RIN3: variants seen among roughly 807,000 people sequenced by gnomAD.
The protein encoded by RIN3 is RAB5 interacting protein 3.
A neutral mutation model predicts 76.3 loss-of-function variants in RIN3; 54 were observed. The ratio of observed to expected loss-of-function variants is 0.71; its 90% CI spans 0.57 to 0.89. The LOEUF (loss-of-function observed/expected upper bound fraction) is 0.89, where lower values mean the gene tolerates loss of function less well. RIN3 is among the 40% of genes least tolerant of loss of function. The probability of loss-of-function intolerance (pLI) is 0.00; values close to 1 mark genes in which losing one functional copy is unlikely to be tolerated. For synonymous variants in RIN3, 576 were observed against 564.0 expected (o/e 1.02, Z -0.30); for missense variants, 1,256 against 1,322.1 (o/e 0.95, Z 0.78).
At chr14:92,522,483 T>C (rs949869020) in intron 1 of RIN3, among the ~76,000 whole-genome samples, 9 of 152,200 alleles carry the variant, frequency 5.9e-5, no homozygotes, top group Non-Finnish European at 1.0e-4. Flanking sequence ...TTTCACTGAG[T>C]GTTACCTCTG....
chr14:92,564,857 G>A (rs1897874948), intron 2 of RIN3, among the ~76,000 whole-genome samples: 1 of 152,224 alleles, frequency 6.6e-6, no homozygotes. Flanking sequence ...ACTCAGCAAG[G>A]CCCCAGACCA....
At position 92,640,554 on chromosome 14, in the gene RIN3, GTT is replaced by G. The variant is rs1886968871; in HGVS notation, c.441-683_441-682del. On this transcript the variant is annotated intron_variant, in intron 4 of 9. Coordinates refer to ENST00000216487, the MANE Select transcript of RIN3 (RefSeq NM_024832.5). Reference sequence around the variant, plus strand: ...TTTGCTGGGAGATGCCTGACTGTGTGTTCATCGGGGGCTGCCTGACTGTGCGT... The same window carrying G: ...TTTGCTGGGAGATGCCTGACTGTGTGCATCGGGGGCTGCCTGACTGTGCGT... Among the ~76,000 whole-genome samples the G allele has an allele frequency of 5.2e-3, 2 of 384 alleles. 1 individual carries two copies. Among genetic ancestry groups the G allele is most frequent in the African/African-American group, 0.062 (2 of 32 alleles). 0.3% of individuals were successfully genotyped at this position (384 alleles called of 152,430 possible). A position where few individuals can be genotyped will look rare whatever the true frequency, so the allele number is the denominator to read the frequency against.
In RIN3 at chr14:92,676,587, C is replaced by T. The variant is rs767312734; in HGVS notation, c.2448C>T (p.Pro816=). 1.1e-5 allele frequency: 18 copies of T among 1,613,566 alleles called. No individual in the cohort carries two copies. The East Asian group carries it at 2.2e-4, about 20-fold the overall frequency. Residue 816 remains proline, a synonymous_variant, in exon 8 of 10, where the codon CCC becomes CCT. Coordinates refer to ENST00000216487, the MANE Select transcript of RIN3 (RefSeq NM_024832.5). ...NVEYMMELMD[P]ALQLGEGSYY... is the part of the protein sequence containing the mutation. ...AGTACATGATGGAGCTCATGGACCC[C>T]GCCCTGCAGCTGGGGGAGGGTGAGT...
chr14:92,555,852 G>A lies in RIN3; in HGVS notation c.146G>A (p.Gly49Asp), dbSNP rs375780702. 90 of 1,614,048 alleles carry A rather than the reference G, an allele frequency of 5.6e-5. No individual in the cohort carries two copies. Among genetic ancestry groups the A allele is most frequent in the Non-Finnish European group, 6.5e-5 (77 of 1,180,040 alleles). Reference sequence around the variant, plus strand: ...AAAAACTGCCTTCCTCACCGCCGGGGCATCAGCATCCTGGAGAAGCTCATC... The same window carrying A: ...AAAAACTGCCTTCCTCACCGCCGGGACATCAGCATCCTGGAGAAGCTCATC... ...NPKNCLPHRRGISILEKLIKT... is the reference protein window; with the variant it reads ...NPKNCLPHRRDISILEKLIKT... Residue 49 changes from glycine (G) to aspartate (D), a missense_variant, in exon 2 of 10, where the codon GGC becomes GAC. Physicochemically the swap from Gly to Asp is moderately conservative, Grantham distance 94. Around this residue, in one of 3 missense-constraint regions of RIN3, gnomAD observed 610 missense variants for 626.4 expected, o/e 0.97. Transcript: ENST00000216487.
Position 92,652,454 on chromosome 14 carries a change from C to T in RIN3, c.1405C>T (p.Gln469Ter), listed in dbSNP as rs762055111. The T allele has an allele frequency of 6.2e-7, 1 of 1,614,106 alleles. No homozygotes were observed. Among genetic ancestry groups the T allele is most frequent in the South Asian group, 1.1e-5 (1 of 91,080 alleles). The change falls in exon 6 of 10, where the codon CAA (glutamine) becomes TAA (stop). Residue 469 changes from glutamine to a stop codon, truncating the protein, a stop_gained. Transcript: ENST00000216487. LOFTEE classifies it high-confidence loss of function. The surrounding 1 kb of genome is among the most constrained non-coding windows in gnomAD (Gnocchi z 6.4). The part of the protein sequence containing the change: ...PPPRKKRISR[Q>*]LASTLPAPLE... ...CCCCAGGAAAAAACGGATCTCTCGA[C>T]AACTGGCCTCGACCCTCCCAGCTCC... is the stretch of plus-strand genomic sequence containing the variant.
In RIN3 at chr14:92,684,155, G is replaced by A. The variant is rs181955800; in HGVS notation, c.2468-832G>A. 1.1e-4 allele frequency among the ~76,000 whole-genome samples: 17 copies of A among 152,212 alleles called. No homozygotes were observed. In the East Asian group the frequency reaches 2.5e-3, roughly 22 times the overall value. ...AGCACTTTGGGAGGCTGAGGCGGGCGGATCACCTGAGGTCAGGCATTCAAG... is the reference window on the plus strand; with the variant it reads ...AGCACTTTGGGAGGCTGAGGCGGGCAGATCACCTGAGGTCAGGCATTCAAG... On this transcript the variant is annotated intron_variant, in intron 8 of 9. Transcript: ENST00000216487.
chr14:92,684,201 G>A (rs1214635189), intron 8 of RIN3, among the ~76,000 whole-genome samples: 1 of 152,060 alleles, frequency 6.6e-6, no homozygotes, highest in Non-Finnish European at 1.5e-5. Flanking sequence ...CCAGCATGGC[G>A]ACACCCCATC....
intron 8 of RIN3, among the ~76,000 whole-genome samples, chr14:92,682,638 G>T (rs1164123694): frequency 6.6e-6 from 1 of 152,162 alleles, no homozygotes; most frequent in Non-Finnish European, 1.5e-5. Context: ...AACCCAAAGG[G>T]ATACATCCAC....
intron 3 of RIN3, among the ~76,000 whole-genome samples, chr14:92,602,009 C>G (rs778659482): frequency 3.3e-5 from 5 of 152,228 alleles, no homozygotes; most frequent in Admixed American, 2.0e-4. Context: ...GAAAAGGAAT[C>G]TTTTATTACA....
intron 5 of RIN3, among the ~76,000 whole-genome samples, chr14:92,642,059 C>A (rs1887034165): frequency 6.6e-6 from 1 of 152,132 alleles, no homozygotes; most frequent in African/African-American, 2.4e-5. Context: ...CTGCCTCTTT[C>A]AGTGTGTGTT....
In RIN3 at chr14:92,685,186, A is replaced by G; in HGVS notation, c.2631+36A>G. 1 of 1,554,176 alleles carries G rather than the reference A, an allele frequency of 6.4e-7. No individual in the cohort carries two copies. Among genetic ancestry groups the G allele is most frequent in the Non-Finnish European group, 8.7e-7 (1 of 1,143,966 alleles). ...AGAGCGGGAGGGGCCCGGTGGGGCCATGTCCCAGACACCATCCCTGCTGCC... is the reference window on the plus strand; with the variant it reads ...AGAGCGGGAGGGGCCCGGTGGGGCCGTGTCCCAGACACCATCCCTGCTGCC... On this transcript the variant is annotated intron_variant, in intron 9 of 9. Transcript: ENST00000216487. This position sits in a 1 kb window ranked among gnomAD's most constrained non-coding sequence, Gnocchi z 4.7.
At chr14:92,591,198 G>A (rs1301967826) in intron 3 of RIN3, among the ~76,000 whole-genome samples, 2 of 152,168 alleles carry the variant, frequency 1.3e-5, no homozygotes, top group Non-Finnish European at 2.9e-5. Context: ...AATGCAGAAT[G>A]CCTTAGATAG....
intron 7 of RIN3, among the ~76,000 whole-genome samples, chr14:92,666,157 T>A (rs1387373373): frequency 3.9e-5 from 6 of 152,092 alleles, no homozygotes; most frequent in Non-Finnish European, 8.8e-5. Flanking sequence ...CCCAGCCCCC[T>A]CACCTCCAGG....
chr14:92,576,840 T>C (rs149275781), intron 2 of RIN3, among the ~76,000 whole-genome samples: 33 of 152,322 alleles, frequency 2.2e-4, no homozygotes, highest in African/African-American at 7.7e-4. Context: ...TAGCTATTTT[T>C]ATTTTTTCAG....
chr14:92,553,581 G>A (rs1041971934), intron 1 of RIN3, among the ~76,000 whole-genome samples: 1 of 151,874 alleles, frequency 6.6e-6, no homozygotes, highest in Non-Finnish European at 1.5e-5. Context: ...GCCATTCCCC[G>A]GGACACTCAT....
chr14:92,629,097 G>A (rs964550930), intron 4 of RIN3, among the ~76,000 whole-genome samples: 3 of 151,036 alleles, frequency 2.0e-5, no homozygotes, highest in Non-Finnish European at 2.9e-5. Flanking sequence ...GCCCACCAAG[G>A]GTCCTGAGTC....
chr14:92,597,421 G>A (rs915099939), intron 3 of RIN3, among the ~76,000 whole-genome samples: 4 of 152,176 alleles, frequency 2.6e-5, no homozygotes, highest in African/African-American at 9.7e-5. Flanking sequence ...TGAGAGGATC[G>A]GTCAAGTGTT....
intron 3 of RIN3, among the ~76,000 whole-genome samples, chr14:92,596,052 G>A (rs958032797): frequency 6.6e-6 from 1 of 152,174 alleles, no homozygotes; most frequent in Non-Finnish European, 1.5e-5. Flanking sequence ...CACTGCTTTT[G>A]TCATCAGTCC....
chr14:92,638,310 G>A (rs900814694), intron 4 of RIN3, among the ~76,000 whole-genome samples: 15 of 152,348 alleles, frequency 9.8e-5, no homozygotes, highest in African/African-American at 3.1e-4. Flanking sequence ...GAAGATAAGC[G>A]TGATCATTTG....
Sources: gnomAD v4.1 joint callset for allele counts (sites outside exome capture counted in the v4.1 genomes callset) on GRCh38, gnomAD v4.1.1 for gene constraint, gnomAD v4.1.1 regional missense constraint, Gnocchi (gnomAD v3.1) non-coding constraint, MANE v1.5 for transcripts, NCBI Gene and HGNC (gene_info 2026-07-23, HGNC 2026-07-21) for gene names.